Variants in SDHB observed in about 807,000 individuals in gnomAD.
The protein encoded by SDHB is succinate dehydrogenase complex iron sulfur subunit B, also known as succinate dehydrogenase [ubiquinone] iron-sulfur subunit, mitochondrial.
SDHB carries 21 observed loss-of-function variants against 39.7 expected under a neutral mutation model. The ratio of observed to expected loss-of-function variants is 0.53; its 90% CI spans 0.37 to 0.76. The LOEUF is 0.76. Ranked by LOEUF, SDHB falls within the 30% of genes least tolerant of loss-of-function variation. The probability of loss-of-function intolerance (pLI) is 0.00; values close to 1 mark genes in which losing one functional copy is unlikely to be tolerated. For synonymous variants in SDHB, 118 were observed against 117.0 expected, an observed-to-expected ratio of 1.01 and a Z score of -0.06; for missense variants, 343 against 350.9, an observed-to-expected ratio of 0.98 and a Z score of 0.18.
chr1:17,026,038 G>A (rs186559344), intron 5 of SDHB, among the ~76,000 whole-genome samples: 2 of 152,308 alleles, frequency 1.3e-5, no homozygotes, highest in Admixed American at 6.5e-5. Context: ...TTTAGGATAA[G>A]GAATACTCAA....
chr1:17,019,809 C>A (rs2077950946), intron 7 of SDHB, among the ~76,000 whole-genome samples: 1 of 152,166 alleles, frequency 6.6e-6, no homozygotes, highest in South Asian at 2.1e-4. Context: ...TCATAGTTCA[C>A]TGTGGCCTGG....
At position 17,036,315 on chromosome 1, in the gene SDHB, T is replaced by C. The variant is rs546563518; in HGVS notation, c.201-3170A>G. On this transcript the variant is annotated intron_variant, in intron 2 of 7. Transcript: ENST00000375499. Reference sequence around the variant, plus strand: ...TTTCAGCATATAAGTCTTTTACTTATTTGATTTTTGAGACAGGATCTCACT... The same window carrying C: ...TTTCAGCATATAAGTCTTTTACTTACTTGATTTTTGAGACAGGATCTCACT... Among the ~76,000 whole-genome samples, 17 of 152,272 alleles carry C rather than the reference T, an allele frequency of 1.1e-4. No individual in the cohort carries two copies. In the South Asian group the frequency reaches 3.1e-3, roughly 28 times the overall value.
In SDHB at chr1:17,018,953, C is replaced by T; in HGVS notation, c.771G>A (p.Leu257=). The T allele has an allele frequency of 6.2e-7, 1 of 1,609,534 alleles. No homozygotes were observed. The highest frequency in any genetic ancestry group is 1.7e-5 in the Admixed American group (1 of 59,982). ...MNCTRTCPKG[L]NPGKAIAEIK... ...TCTCTGCAATAGCTTTCCCTGGATT[C>T]AGACCCTTGAAAAAAGAGAAAAGAA... The change falls in exon 8 of 8, where the codon CTG becomes CTA. Residue 257 remains leucine (L), a synonymous_variant. Coordinates refer to ENST00000375499, the MANE Select transcript of SDHB (RefSeq NM_003000.3).
At chr1:17,020,053 C>A (rs2077952221) in intron 7 of SDHB, among the ~76,000 whole-genome samples, 1 of 152,240 alleles carries the variant, frequency 6.6e-6, no homozygotes, top group African/African-American at 2.4e-5. Flanking sequence ...GAAGAGGACA[C>A]ATATGCATTT....
At chr1:17,044,469 C>T (rs1478228892) in intron 2 of SDHB, among the ~76,000 whole-genome samples, 1 of 151,990 alleles carries the variant, frequency 6.6e-6, no homozygotes, top group Admixed American at 6.6e-5. Context: ...GGATTACAGG[C>T]ATGAGCCACT....
At chr1:17,028,153 T>A (rs1204079945) in intron 4 of SDHB, among the ~76,000 whole-genome samples, 2 of 152,200 alleles carry the variant, frequency 1.3e-5, no homozygotes, top group African/African-American at 2.4e-5. Context: ...GGTGTTCAAA[T>A]ATAGGGAGGT....
At position 17,029,093 on chromosome 1, in the gene SDHB, GTTTTTTTTTTT is replaced by G. The variant is rs746243819; in HGVS notation, c.287-368_287-358del. The stretch of plus-strand genomic sequence containing the variant: ...ACGTGTTTTGAAGAAAAATCAGCCT[GTTTTTTTTTTT>G]TTTTTTTTTTTTTTTTTTAAAGAAA... On this transcript the variant is annotated intron_variant, in intron 3 of 7. Transcript: ENST00000375499. Among the ~76,000 whole-genome samples the G allele has an allele frequency of 6.9e-4, 50 of 72,028 alleles. 1 individual carries two copies. The highest frequency in any genetic ancestry group is 3.4e-3 in the South Asian group (4 of 1,194). The allele number at this position is 72,028 out of a possible 152,430, so 47.3% of individuals were successfully genotyped here.
chr1:17,036,726 A>C, intron 2 of SDHB, among the ~76,000 whole-genome samples: 1 of 146,894 alleles, frequency 6.8e-6, no homozygotes, highest in South Asian at 2.1e-4. Context: ...ATAAATATTT[A>C]TATAAATATG....
chr1:17,031,304 C>T (rs1033006699), intron 3 of SDHB, among the ~76,000 whole-genome samples: 1 of 151,836 alleles, frequency 6.6e-6, no homozygotes, highest in African/African-American at 2.4e-5. Context: ...AAAATAAATC[C>T]AATGAACTTT....
At chr1:17,026,934 T>TA (rs2077994444) in intron 5 of SDHB, among the ~76,000 whole-genome samples, 1 of 152,158 alleles carries the variant, frequency 6.6e-6, no homozygotes, top group Non-Finnish European at 1.5e-5. Flanking sequence ...TCTGGCCTTT[T>TA]AAAAAATTTA....
rs565162337 is a variant in SDHB at position 17,046,809 on chromosome 1, C to A, written c.73-1921G>T. 3.3e-5 allele frequency among the ~76,000 whole-genome samples: 5 copies of A among 152,208 alleles called. No individual in the cohort carries two copies. The East Asian group carries it at 9.7e-4, about 30-fold the overall frequency. ...CTTGGCTCACCACAACCTCCGCCTCCCCGGTTCAAGCAATTCTCCTGCCTC... is the reference window on the plus strand; with the variant it reads ...CTTGGCTCACCACAACCTCCGCCTCACCGGTTCAAGCAATTCTCCTGCCTC... On this transcript the variant is annotated intron_variant, in intron 1 of 7. Coordinates refer to ENST00000375499, the MANE Select transcript of SDHB (RefSeq NM_003000.3).
intron 1 of SDHB, among the ~76,000 whole-genome samples, chr1:17,053,164 G>T (rs1478770941): frequency 1.3e-5 from 2 of 152,156 alleles, no homozygotes; most frequent in Non-Finnish European, 2.9e-5. Context: ...AGGCAGGTCA[G>T]AAATGTGTTG....
chr1:17,018,901 C>T lies in SDHB; in HGVS notation c.823G>A (p.Glu275Lys), dbSNP rs1486588594. ...EIKKMMATYK[E>K]KKASV ...AACAGTTAAACTGAAGCTTTCTTCTCCTTATAGGTTGCCATCATTTTCTTG... is the reference window on the plus strand; with the variant it reads ...AACAGTTAAACTGAAGCTTTCTTCTTCTTATAGGTTGCCATCATTTTCTTG... Residue 275 changes from glutamate to lysine, a missense_variant, in exon 8 of 8, where the codon GAG (glutamate) becomes AAG (lysine). Physicochemically the swap from Glu to Lys is moderately conservative, Grantham distance 56 (BLOSUM62 1). Coordinates refer to ENST00000375499, the MANE Select transcript of SDHB (RefSeq NM_003000.3). 2 of 1,612,590 alleles carry T rather than the reference C, an allele frequency of 1.2e-6. No homozygotes were observed. Among genetic ancestry groups the T allele is most frequent in the South Asian group, 1.1e-5 (1 of 91,052 alleles).
chr1:17,030,431 AGAG>A (rs760402736), intron 3 of SDHB, among the ~76,000 whole-genome samples: 102 of 152,318 alleles, frequency 6.7e-4, no homozygotes, highest in South Asian at 2.1e-3. Context: ...GACTTTCCAA[AGAG>A]GAGAAGAATG....
At chr1:17,019,183 G>A (rs1045712494) in intron 7 of SDHB, among the ~76,000 whole-genome samples, 1 of 152,182 alleles carries the variant, frequency 6.6e-6, no homozygotes, top group Non-Finnish European at 1.5e-5. Context: ...CTGCCACGTT[G>A]AATTCCTTCT....
At chr1:17,027,659 A>G (rs2077998582) in intron 5 of SDHB, 90 bp downstream of exon 5, 1 of 845,916 alleles carries the variant, frequency 1.2e-6, no homozygotes, top group Non-Finnish European at 2.0e-6. Flanking sequence ...AATGGCTTGC[A>G]TCAGCTTATG....
intron 3 of SDHB, among the ~76,000 whole-genome samples, chr1:17,029,625 C>T (rs891451401): frequency 3.9e-5 from 6 of 152,094 alleles, no homozygotes; most frequent in Non-Finnish European, 7.4e-5. Context: ...TATTTGAACA[C>T]AAATCTAACA....
intron 5 of SDHB, 196 bp downstream of exon 5, chr1:17,027,553 G>A: frequency 1.7e-6 from 1 of 596,850 alleles, no homozygotes; most frequent in Non-Finnish European, 3.1e-6. Context: ...CTAGCTCCTT[G>A]GTCCACTCTG....
chr1:17,038,100 T>C (rs981071388), intron 2 of SDHB, among the ~76,000 whole-genome samples: 3 of 151,912 alleles, frequency 2.0e-5, no homozygotes, highest in African/African-American at 7.3e-5. Context: ...GATTGTGCCA[T>C]TGCACTCCAG....
Sources: gnomAD v4.1 joint callset for allele counts (sites outside exome capture counted in the v4.1 genomes callset) on GRCh38, gnomAD v4.1.1 for gene constraint, MANE v1.5 for transcripts, NCBI Gene and HGNC (gene_info 2026-07-23, HGNC 2026-07-21) for gene names.